GALNTL6: variants seen among roughly 807,000 people sequenced by gnomAD.
The protein encoded by GALNTL6 is polypeptide N-acetylgalactosaminyltransferase like 6, also known as polypeptide N-acetylgalactosaminyltransferase-like 6.
GALNTL6 carries 46 observed loss-of-function variants against 73.7 expected under a neutral mutation model. The observed-to-expected ratio is 0.62, with a 90% CI of 0.49 to 0.80. The LOEUF (loss-of-function observed/expected upper bound fraction) is 0.80, where lower values mean the gene tolerates loss of function less well. GALNTL6 is among the 30% of genes least tolerant of loss of function. The probability of loss-of-function intolerance (pLI) is 0.00; values close to 1 mark genes in which losing one functional copy is unlikely to be tolerated. For missense variants in GALNTL6, 604 were observed against 755.0 expected, an observed-to-expected ratio of 0.80 and a Z score of 2.34; for synonymous variants, 259 against 263.7, an observed-to-expected ratio of 0.98 and a Z score of 0.17.
rs966828844 is a variant in GALNTL6 at position 172,877,359 on chromosome 4, A to T, written c.924-5431A>T. Among the ~76,000 whole-genome samples the T allele has an allele frequency of 2.6e-5, 4 of 152,132 alleles. 1 individual carries two copies. ...TAAAGAGTCAATATGTGAAATAGAGAATATTAGGAAGATCAGCAACTCCTT... is the reference window on the plus strand; with the variant it reads ...TAAAGAGTCAATATGTGAAATAGAGTATATTAGGAAGATCAGCAACTCCTT... On this transcript the variant is annotated intron_variant, in intron 7 of 12. Transcript: ENST00000506823.
chr4:172,810,133 A>G (rs1376952796), intron 6 of GALNTL6, among the ~76,000 whole-genome samples: 1 of 152,202 alleles, frequency 6.6e-6, no homozygotes, highest in Non-Finnish European at 1.5e-5. Flanking sequence ...GTATTTACAT[A>G]GATTCCTTCT....
intron 3 of GALNTL6, among the ~76,000 whole-genome samples, chr4:172,282,666 CAAAAA>C (rs202167171): frequency 8.1e-6 from 1 of 123,536 alleles, no homozygotes; most frequent in African/African-American, 2.8e-5. Context: ...TGAAATGGGG[CAAAAA>C]AAAAAAAAAG....
chr4:172,368,592 T>G (rs1418596963), intron 5 of GALNTL6, among the ~76,000 whole-genome samples: 2 of 152,202 alleles, frequency 1.3e-5, no homozygotes, highest in African/African-American at 4.8e-5. Flanking sequence ...TGTTGTCAAG[T>G]GCTGTTGTGT....
At chr4:172,775,828 T>A (rs991329487) in intron 5 of GALNTL6, among the ~76,000 whole-genome samples, 2 of 152,114 alleles carry the variant, frequency 1.3e-5, no homozygotes, top group Non-Finnish European at 2.9e-5. Context: ...CTTTGAGGGA[T>A]TGATGAATGA....
intron 8 of GALNTL6, among the ~76,000 whole-genome samples, chr4:172,907,046 C>T (rs917197953): frequency 1.3e-5 from 2 of 151,908 alleles, no homozygotes; most frequent in African/African-American, 2.4e-5. Context: ...TATAGTCCAG[C>T]GGGAATTTTG....
intron 10 of GALNTL6, among the ~76,000 whole-genome samples, chr4:172,964,723 A>G (rs1346011866): frequency 6.6e-6 from 1 of 152,206 alleles, no homozygotes; most frequent in Non-Finnish European, 1.5e-5. Flanking sequence ...CTATCAGCTT[A>G]CACGAAAGGA....
chr4:172,535,271 G>C (rs1735307861), intron 5 of GALNTL6, among the ~76,000 whole-genome samples: 1 of 152,162 alleles, frequency 6.6e-6, no homozygotes, highest in Non-Finnish European at 1.5e-5. Flanking sequence ...GATGCATTAT[G>C]ATGAAGAATC....
chr4:171,923,871 A>G (rs1171961457), intron 2 of GALNTL6, among the ~76,000 whole-genome samples: 2 of 150,482 alleles, frequency 1.3e-5, no homozygotes, highest in Non-Finnish European at 3.0e-5. Flanking sequence ...TTTCAAAAAT[A>G]ACAATAACTT....
At chr4:172,269,259 TA>T (rs923222660) in intron 3 of GALNTL6, among the ~76,000 whole-genome samples, 5 of 151,906 alleles carry the variant, frequency 3.3e-5, no homozygotes, top group African/African-American at 9.7e-5. Flanking sequence ...ATGGAGAGAA[TA>T]AAAAAAATTC....
At chr4:172,701,411 TAAGA>T (rs1281268008) in intron 5 of GALNTL6, among the ~76,000 whole-genome samples, 1 of 152,084 alleles carries the variant, frequency 6.6e-6, no homozygotes, top group Non-Finnish European at 1.5e-5. Flanking sequence ...TTACAGAATC[TAAGA>T]AAGAGTATAG....
chr4:172,948,491 T>C (rs906574213), intron 9 of GALNTL6, among the ~76,000 whole-genome samples: 3 of 152,054 alleles, frequency 2.0e-5, no homozygotes, highest in Non-Finnish European at 4.4e-5. Flanking sequence ...TTGCTTTTTT[T>C]GCCCGGGCTG....
intron 5 of GALNTL6, among the ~76,000 whole-genome samples, chr4:172,483,781 A>G (rs912709282): frequency 1.3e-5 from 2 of 152,218 alleles, no homozygotes; most frequent in African/African-American, 2.4e-5. Flanking sequence ...ACTGCAACCT[A>G]CAACATCCAG....
At chr4:172,493,927 A>G (rs1329160412) in intron 5 of GALNTL6, among the ~76,000 whole-genome samples, 3 of 152,106 alleles carry the variant, frequency 2.0e-5, no homozygotes, top group Non-Finnish European at 2.9e-5. Context: ...TCCTTTTAAG[A>G]TTCGGTTGCT....
intron 5 of GALNTL6, among the ~76,000 whole-genome samples, chr4:172,421,927 C>A (rs76357869): frequency 3.1e-4 from 39 of 123,912 alleles, no homozygotes; most frequent in Non-Finnish European, 6.8e-4. Flanking sequence ...ATTTTTGAAC[C>A]GTTTCTAGCT....
chr4:172,848,496 T>G (rs1743632647), intron 7 of GALNTL6, among the ~76,000 whole-genome samples: 1 of 152,176 alleles, frequency 6.6e-6, no homozygotes, highest in Non-Finnish European at 1.5e-5. Context: ...AAATATTAGC[T>G]GGATGAATGA....
At chr4:172,971,522 G>C (rs567735950) in intron 10 of GALNTL6, among the ~76,000 whole-genome samples, 4 of 152,174 alleles carry the variant, frequency 2.6e-5, no homozygotes, top group Non-Finnish European at 5.9e-5. Flanking sequence ...CAAGTAACAA[G>C]TGGGGAAAGT....
At chr4:172,918,113 A>T (rs1237668884) in intron 8 of GALNTL6, among the ~76,000 whole-genome samples, 1 of 152,176 alleles carries the variant, frequency 6.6e-6, no homozygotes, top group Non-Finnish European at 1.5e-5. Flanking sequence ...GCTGGAAACC[A>T]TCATTCTGAG....
rs963512720 is a variant in GALNTL6, at chr4:171,853,098, C to T, written c.138+38380C>T. Among the ~76,000 whole-genome samples the T allele has an allele frequency of 4.8e-5, 7 of 147,272 alleles. No individual in the cohort carries two copies. The Admixed American group carries it at 4.9e-4, about 10-fold the overall frequency. ...CAGGATGGTTTTGATCTCCTGACCT[C>T]GTGATCCGCCCGCTTCAGCCTCCCA... is the stretch of plus-strand genomic sequence containing the variant. On this transcript the variant is annotated intron_variant, in intron 2 of 12. Transcript: ENST00000506823.
chr4:172,721,392 A>G (rs913630614), intron 5 of GALNTL6, among the ~76,000 whole-genome samples: 11 of 152,238 alleles, frequency 7.2e-5, no homozygotes, highest in African/African-American at 1.9e-4. Context: ...TCTTCTTAGC[A>G]TGAATACCAA....
Sources: gnomAD v4.1 joint callset for allele counts (sites outside exome capture counted in the v4.1 genomes callset) on GRCh38, gnomAD v4.1.1 for gene constraint, MANE v1.5 for transcripts, NCBI Gene and HGNC (gene_info 2026-07-23, HGNC 2026-07-21) for gene names.